Variants in CPNE5 observed in about 807,000 individuals in gnomAD.
CPNE5 encodes the protein copine-5.
A neutral mutation model predicts 81.1 loss-of-function variants in CPNE5; 42 were observed. The ratio of observed to expected loss-of-function variants is 0.52; its 90% confidence interval spans 0.40 to 0.67. The LOEUF is 0.67. Among genes scored for constraint, CPNE5 ranks in the 30% least tolerant of loss-of-function variants. CPNE5 has a pLI of 0.00. For missense variants in CPNE5, 612 were observed against 815.5 expected (o/e 0.75, Z 3.04); for synonymous variants, 313 against 321.5 (o/e 0.97, Z 0.28).
intron 8 of CPNE5, among the ~76,000 whole-genome samples, chr6:36,790,661 G>A (rs1445309542): frequency 1.3e-5 from 2 of 152,062 alleles, no homozygotes; most frequent in African/African-American, 4.8e-5. Flanking sequence ...CAGAGGAGCC[G>A]AGATTCCAAT....
At chr6:36,784,769 C>T (rs1052203104) in intron 8 of CPNE5, among the ~76,000 whole-genome samples, 7 of 151,938 alleles carry the variant, frequency 4.6e-5, no homozygotes, top group Non-Finnish European at 7.4e-5. Flanking sequence ...TGGTGAAACC[C>T]CATCTCTACT....
At chr6:36,768,225 C>CTTTTTTTCTTTTTTTTTTTT (rs527797208) in intron 10 of CPNE5, among the ~76,000 whole-genome samples, 1,003 of 60,540 alleles carry the variant, frequency 0.017, 285 homozygotes, top group South Asian at 0.029. Context: ...ATTCACAGTT[C>CTTTTTTTCTTTTTTTTTTTT]TTTTTTTTTT....
chr6:36,742,700 A>T (rs1485577044), intron 20 of CPNE5: 2 of 984,564 alleles, frequency 2.0e-6, no homozygotes, highest in East Asian at 2.3e-4. Flanking sequence ...TCTTTCATTC[A>T]CTCGACAAAA....
intron 10 of CPNE5, among the ~76,000 whole-genome samples, chr6:36,772,218 C>T (rs1054261681): frequency 1.3e-5 from 2 of 152,176 alleles, no homozygotes; most frequent in African/African-American, 4.8e-5. Flanking sequence ...TCTCCCATCC[C>T]CCTACCTTGA....
chr6:36,750,709 T>C (rs1764717415), intron 14 of CPNE5, among the ~76,000 whole-genome samples: 2 of 152,110 alleles, frequency 1.3e-5, no homozygotes, highest in Admixed American at 6.5e-5. Flanking sequence ...TTGTTAGAGG[T>C]AGGGAGACAT....
intron 8 of CPNE5, among the ~76,000 whole-genome samples, chr6:36,784,682 C>G (rs1582876772): frequency 6.6e-6 from 1 of 152,208 alleles, no homozygotes; most frequent in African/African-American, 2.4e-5. Context: ...TGGTGCACAA[C>G]TGTAGTCTCA....
At chr6:36,756,395 GC>G in intron 12 of CPNE5, 97 bp from the exon 13 acceptor site, 1 of 1,005,566 alleles carries the variant, frequency 9.9e-7, no homozygotes. Flanking sequence ...TCCAAGCCCA[GC>G]CCCATTAGAG....
intron 3 of CPNE5, among the ~76,000 whole-genome samples, chr6:36,800,295 C>G (rs1262654966): frequency 6.6e-6 from 1 of 152,218 alleles, no homozygotes. Context: ...ACTGCTTCTT[C>G]CCATCTCCAT....
rs891701988 is a variant in CPNE5 at position 36,839,260 on chromosome 6, G to T, written c.95+23C>A. On this transcript the variant is annotated intron_variant, in intron 1 of 20. Coordinates refer to ENST00000244751, the MANE Select transcript of CPNE5 (RefSeq NM_020939.2). This position sits in a 1 kb window ranked among gnomAD's most constrained non-coding sequence, Gnocchi z 7.3. ...TCTGCGTCCAGGGCCGGGGCAAGGG[G>T]ACCCGGCCAGCGGGAGGCTCACCTG... 12 of 1,505,370 alleles carry T rather than the reference G, an allele frequency of 8.0e-6. No individual in the cohort carries two copies. The highest frequency in any genetic ancestry group is 1.1e-5 in the Non-Finnish European group (12 of 1,115,856). 93.3% of individuals were successfully genotyped at this position (1,505,370 alleles called of 1,614,324 possible).
intron 10 of CPNE5, among the ~76,000 whole-genome samples, chr6:36,773,475 C>T (rs1767223713): frequency 6.6e-6 from 1 of 152,202 alleles, no homozygotes; most frequent in South Asian, 2.1e-4. Context: ...CATGTAAACA[C>T]CACTAGGTTG....
At chr6:36,786,436 C>G (rs916586024) in intron 8 of CPNE5, among the ~76,000 whole-genome samples, 2 of 152,202 alleles carry the variant, frequency 1.3e-5, no homozygotes, top group African/African-American at 4.8e-5. Context: ...GTCTTAATGA[C>G]TGACTTCCCA....
chr6:36,743,722 G>A lies in CPNE5; in HGVS notation c.1530C>T (p.Ser510=). 1 of 1,613,334 alleles carries A rather than the reference G, an allele frequency of 6.2e-7. No homozygotes were observed. Among genetic ancestry groups the A allele is most frequent in the Non-Finnish European group, 8.5e-7 (1 of 1,179,994 alleles). Reference sequence around the variant, plus strand: ...TGTCGCGTTCAGCCAGCTTCCCCCGGGAGGAGATCCGCACGTCGTCGCCAT... The same window carrying A: ...TGTCGCGTTCAGCCAGCTTCCCCCGAGAGGAGATCCGCACGTCGTCGCCAT... ...ELDGDDVRIS[S]RGKLAERDIV... Residue 510 remains serine (S), a synonymous_variant, in exon 20 of 21, where the codon TCC becomes TCT. Transcript: ENST00000244751.
intron 14 of CPNE5, among the ~76,000 whole-genome samples, chr6:36,749,744 A>G (rs1764600034): frequency 6.6e-6 from 1 of 152,112 alleles, no homozygotes; most frequent in African/African-American, 2.4e-5. Flanking sequence ...ACTGGCTATG[A>G]TGTGGTAATG....
intron 8 of CPNE5, among the ~76,000 whole-genome samples, chr6:36,784,381 C>G (rs2150484746): frequency 6.6e-6 from 1 of 152,366 alleles, no homozygotes; most frequent in East Asian, 1.9e-4. Flanking sequence ...CAGGGAAGTC[C>G]TTGAGACAAA....
At chr6:36,800,093 A>G in intron 3 of CPNE5, 23 bp from the exon 4 acceptor site, 1 of 1,588,924 alleles carries the variant, frequency 6.3e-7, no homozygotes, top group South Asian at 1.1e-5. Context: ...ATGGAGGGTG[A>G]ACCTCAGGGC....
At position 36,822,168 on chromosome 6, in the gene CPNE5, G is replaced by A. The variant is rs1772112426; in HGVS notation, c.137-8C>T. On this transcript the variant is annotated splice_region_variant and splice_polypyrimidine_tract_variant and intron_variant, in intron 2 of 20. Transcript: ENST00000244751. Reference sequence around the variant, plus strand: ...GGGTATACATGACGCACACTGCGGGGGGAGGAGAAACAGTGGATTAATACC... The same window carrying A: ...GGGTATACATGACGCACACTGCGGGAGGAGGAGAAACAGTGGATTAATACC... 2 of 1,508,382 alleles carry A rather than the reference G, an allele frequency of 1.3e-6. No individual in the cohort carries two copies. The highest frequency in any genetic ancestry group is 5.0e-5 in the East Asian group (2 of 40,280). 93.4% of individuals were successfully genotyped at this position (1,508,382 alleles called of 1,614,324 possible).
chr6:36,744,488 G>C, intron 18 of CPNE5, 163 bp from the exon 19 acceptor site: 1 of 635,478 alleles, frequency 1.6e-6, no homozygotes. Flanking sequence ...GGAGAGGGAG[G>C]GCACTCAGAG....
At chr6:36,774,171 C>T (rs901861237) in intron 10 of CPNE5, among the ~76,000 whole-genome samples, 6 of 151,498 alleles carry the variant, frequency 4.0e-5, no homozygotes, top group African/African-American at 1.5e-4. Flanking sequence ...ATTGCTTGAG[C>T]CCAGGAGTTT....
At chr6:36,828,523 A>G (rs141280611) in intron 1 of CPNE5, among the ~76,000 whole-genome samples, 110 of 152,322 alleles carry the variant, frequency 7.2e-4, no homozygotes, top group African/African-American at 2.4e-3. Flanking sequence ...AACAAAGCCC[A>G]GAAGTGCTGC....
Sources: allele counts gnomAD v4.1 joint callset (sites outside exome capture counted in the v4.1 genomes callset), GRCh38; gene constraint gnomAD v4.1.1; non-coding constraint Gnocchi (gnomAD v3.1); transcripts MANE v1.5; gene names NCBI Gene and HGNC (gene_info 2026-07-23, HGNC 2026-07-21).